Variants in SNTG2 observed in about 807,000 individuals in gnomAD.
The protein encoded by SNTG2 is syntrophin gamma 2.
Under a neutral mutation model 70.9 loss-of-function variants are expected in SNTG2, and 74 were observed. The observed-to-expected ratio is 1.04, with a 90% CI of 0.86 to 1.27. The LOEUF is 1.27. SNTG2 is among the 50% of genes most tolerant of loss of function. The probability of loss-of-function intolerance (pLI) is 0.00; values close to 1 mark genes in which losing one functional copy is unlikely to be tolerated. For missense variants in SNTG2, 717 were observed against 690.7 expected, an observed-to-expected ratio of 1.04 and a Z score of -0.43; for synonymous variants, 278 against 273.8, an observed-to-expected ratio of 1.02 and a Z score of -0.15.
In SNTG2 at chr2:1,083,635, G is replaced by A. The variant is rs202234249; in HGVS notation, c.190G>A (p.Gly64Arg). 131 of 1,613,616 alleles carry A rather than the reference G, an allele frequency of 8.1e-5. 1 individual carries two copies. Among genetic ancestry groups the A allele is most frequent in the Non-Finnish European group, 1.0e-4 (122 of 1,179,692 alleles). ...IQKQDVVCVGGSHQGRNRRTV... is the reference protein window; with the variant it reads ...IQKQDVVCVGRSHQGRNRRTV... ...GAAACAAGATGTTGTCTGTGTGGGC[G>A]GAAGCCACCAGGGCAGGAATGTAAG... Residue 64 changes from glycine to arginine, a missense_variant, in exon 2 of 17, where the codon GGA becomes AGA. Physicochemically the swap from Gly to Arg is moderately radical, Grantham distance 125 (BLOSUM62 -2). Transcript: ENST00000308624.
At chr2:1,281,018 C>A (rs1679487323) in intron 14 of SNTG2, among the ~76,000 whole-genome samples, 5 of 152,238 alleles carry the variant, frequency 3.3e-5, no homozygotes, top group Admixed American at 2.6e-4. Flanking sequence ...GCCCACTTTA[C>A]TCCAAGTAGT....
chr2:1,141,987 G>A (rs1341206738), intron 6 of SNTG2, among the ~76,000 whole-genome samples: 5 of 151,822 alleles, frequency 3.3e-5, no homozygotes, highest in Non-Finnish European at 5.9e-5. Flanking sequence ...TCATAGATGT[G>A]AATCTCTGCT....
chr2:1,283,464 C>T (rs754555567), intron 14 of SNTG2, among the ~76,000 whole-genome samples: 12 of 152,182 alleles, frequency 7.9e-5, no homozygotes, highest in Non-Finnish European at 1.6e-4. Flanking sequence ...AATTAGTCAA[C>T]GGAGCTGCTG....
rs188899196 is a variant in SNTG2, at chr2:962,333, A to G, written c.72+11265A>G. 2.0e-5 allele frequency among the ~76,000 whole-genome samples: 3 copies of G among 152,194 alleles called. 1 individual carries two copies. The highest frequency in any genetic ancestry group is 2.0e-4 in the Admixed American group (3 of 15,294). ...GCGACCCTCCTGCCTCGGCCTCCCA[A>G]AGTGCTGAGATTGTAGGTGTGAGCC... On this transcript the variant is annotated intron_variant, in intron 1 of 16. Coordinates refer to ENST00000308624, the MANE Select transcript of SNTG2 (RefSeq NM_018968.4).
intron 14 of SNTG2, among the ~76,000 whole-genome samples, chr2:1,303,641 CAG>C (rs1329600728): frequency 5.9e-5 from 9 of 151,878 alleles, no homozygotes; most frequent in Admixed American, 5.9e-4. Context: ...AACAGAAAAA[CAG>C]AAGAGGAAAC....
intron 1 of SNTG2, among the ~76,000 whole-genome samples, chr2:1,051,186 T>TTTCCTCCCTTCCTCCC (rs764501213): frequency 8.5e-6 from 1 of 117,128 alleles, no homozygotes; most frequent in Non-Finnish European, 1.7e-5. Context: ...CCCTCCTTCC[T>TTTCCTCCCTTCCTCCC]TTCCTCCCTT....
intron 6 of SNTG2, among the ~76,000 whole-genome samples, chr2:1,152,596 G>T (rs1218431810): frequency 7.8e-6 from 1 of 127,802 alleles, no homozygotes. Flanking sequence ...GTGCACATGT[G>T]CATGTGTGTA....
chr2:1,105,676 CTCCTA>C (rs933092656), intron 4 of SNTG2, among the ~76,000 whole-genome samples: 16 of 152,212 alleles, frequency 1.1e-4, no homozygotes, highest in African/African-American at 3.9e-4. Context: ...CTCACTCTCC[CTCCTA>C]TGAGATTCTT....
At chr2:1,174,117 C>T (rs969515647) in intron 8 of SNTG2, among the ~76,000 whole-genome samples, 2 of 152,082 alleles carry the variant, frequency 1.3e-5, no homozygotes, top group Non-Finnish European at 2.9e-5. Flanking sequence ...AGTTATGAAG[C>T]AAAATAATAA....
At position 1,326,221 on chromosome 2, in the gene SNTG2, C is replaced by T. The variant is rs11693741; in HGVS notation, c.1488+9846C>T. Among the ~76,000 whole-genome samples, 457 of 152,164 alleles carry T rather than the reference C, an allele frequency of 3.0e-3. 5 individuals are homozygous for T. The highest frequency in any genetic ancestry group is 1.0e-2 in the African/African-American group (414 of 41,512). On this transcript the variant is annotated intron_variant, in intron 16 of 16. Transcript: ENST00000308624. The stretch of plus-strand genomic sequence containing the variant: ...AACAAATATAACAAATAAGTTAAAA[C>T]GACTTTTTATGTGATATTGTTTCTC...
chr2:970,264 A>G (rs1325496951), intron 1 of SNTG2, among the ~76,000 whole-genome samples: 5 of 152,100 alleles, frequency 3.3e-5, no homozygotes. Flanking sequence ...CAGTTTGTTA[A>G]TATTTGAGGA....
intron 6 of SNTG2, chr2:1,160,837 G>A (rs1488684396): frequency 6.6e-6 from 1 of 152,246 alleles, no homozygotes; most frequent in African/African-American, 2.4e-5. Context: ...GCTCGCACCT[G>A]ATCACAGACT....
At chr2:1,065,129 A>T (rs566385449) in intron 1 of SNTG2, among the ~76,000 whole-genome samples, 1 of 152,184 alleles carries the variant, frequency 6.6e-6, no homozygotes, top group South Asian at 2.1e-4. Flanking sequence ...GCCATGTGGG[A>T]TGTGGGGGTG....
chr2:1,028,197 C>T (rs1346087317), intron 1 of SNTG2, among the ~76,000 whole-genome samples: 1 of 148,338 alleles, frequency 6.7e-6, no homozygotes, highest in Admixed American at 6.6e-5. Context: ...GTAACTCATG[C>T]ATCTCTGTTG....
chr2:1,162,036 T>C lies in SNTG2; in HGVS notation c.412-3512T>C, dbSNP rs193098981. 2.4e-3 allele frequency among the ~76,000 whole-genome samples: 306 copies of C among 125,522 alleles called. 2 individuals are homozygous for C. Among genetic ancestry groups the C allele is most frequent in the African/African-American group, 7.2e-3 (238 of 33,224 alleles). The allele number at this position is 125,522 out of a possible 152,430, so 82.3% of individuals were successfully genotyped here. On this transcript the variant is annotated intron_variant, in intron 6 of 16. Coordinates refer to ENST00000308624, the MANE Select transcript of SNTG2 (RefSeq NM_018968.4). The stretch of plus-strand genomic sequence containing the variant: ...TTGCAGTGGGCCCAGATGGCGCCAC[T>C]GCACTCCAGCCTGGGCGACAGTGAG...
At chr2:987,381 C>T (rs903847050) in intron 1 of SNTG2, among the ~76,000 whole-genome samples, 3 of 152,078 alleles carry the variant, frequency 2.0e-5, no homozygotes, top group African/African-American at 4.8e-5. Flanking sequence ...CAAGAGCTTC[C>T]GCAGAGGTGG....
chr2:1,363,603 C>T (rs1661317616), intron 16 of SNTG2, among the ~76,000 whole-genome samples: 1 of 152,202 alleles, frequency 6.6e-6, no homozygotes, highest in African/African-American at 2.4e-5. Flanking sequence ...GTGAGGAGTG[C>T]AGCGAGGGAT....
chr2:1,188,705 A>G (rs1672395328), intron 8 of SNTG2, among the ~76,000 whole-genome samples: 2 of 152,202 alleles, frequency 1.3e-5, no homozygotes, highest in African/African-American at 2.4e-5. Flanking sequence ...AATACAGTGA[A>G]AACTTAATCT....
chr2:1,022,277 C>T (rs1003917847), intron 1 of SNTG2, among the ~76,000 whole-genome samples: 1 of 151,836 alleles, frequency 6.6e-6, no homozygotes, highest in African/African-American at 2.4e-5. Context: ...CCCATAAATT[C>T]CTTTGTTTTT....
Sources: gnomAD v4.1 joint callset for allele counts (sites outside exome capture counted in the v4.1 genomes callset) on GRCh38, gnomAD v4.1.1 for gene constraint, MANE v1.5 for transcripts, NCBI Gene and HGNC (gene_info 2026-07-23, HGNC 2026-07-21) for gene names.